STK3: variants seen among roughly 807,000 people sequenced by gnomAD.
STK3 encodes the protein serine/threonine kinase 3, also known as serine/threonine-protein kinase 3.
STK3 carries 41 observed loss-of-function variants against 58.0 expected under a neutral mutation model. That is an observed-to-expected ratio of 0.71 (90% CI 0.55 to 0.92). The LOEUF is 0.92. Ranked by LOEUF, STK3 falls within the 40% of genes least tolerant of loss-of-function variation. STK3 has a pLI of 0.00. For synonymous variants in STK3, 170 were observed against 191.0 expected (o/e 0.89, Z 0.91); for missense variants, 479 against 602.7 (o/e 0.79, Z 2.15).
intron 10 of STK3, among the ~76,000 whole-genome samples, chr8:98,457,058 T>C (rs986556805): frequency 7.2e-5 from 11 of 152,226 alleles, no homozygotes; most frequent in African/African-American, 2.7e-4. Flanking sequence ...CAGGCTTCCA[T>C]GATGATGACT....
chr8:98,454,429 G>A (rs919686518), downstream of STK3, among the ~76,000 whole-genome samples: 8 of 152,178 alleles, frequency 5.3e-5, no homozygotes, highest in African/African-American at 1.7e-4. Context: ...AGGTCCCTGG[G>A]TGTGGATGAT....
intron 7 of STK3, among the ~76,000 whole-genome samples, chr8:98,585,751 T>TTGTATCCTC (rs1485774253): frequency 2.0e-5 from 3 of 152,202 alleles, no homozygotes; most frequent in Non-Finnish European, 4.4e-5. Context: ...TTCCATTTGT[T>TTGTATCCTC]TGTATCCTCT....
chr8:98,787,672 G>T (rs1832556699), intron 1 of STK3, among the ~76,000 whole-genome samples: 1 of 152,154 alleles, frequency 6.6e-6, no homozygotes, highest in South Asian at 2.1e-4. Context: ...AGTCTTAAGA[G>T]CCATGAGGAA....
intron 10 of STK3, among the ~76,000 whole-genome samples, chr8:98,498,976 T>C (rs1823368475): frequency 6.6e-6 from 1 of 152,176 alleles, no homozygotes; most frequent in South Asian, 2.1e-4. Context: ...ATTAAGTCTC[T>C]TATGATCCTA....
intron 6 of STK3, among the ~76,000 whole-genome samples, chr8:98,622,965 T>C (rs973109932): frequency 1.3e-5 from 2 of 152,174 alleles, no homozygotes; most frequent in Non-Finnish European, 2.9e-5. Context: ...GATTGAGCAG[T>C]AGTATATTTA....
intron 4 of STK3, among the ~76,000 whole-genome samples, chr8:98,736,093 TAATA>T (rs1828567093): frequency 2.0e-5 from 3 of 152,218 alleles, no homozygotes; most frequent in Admixed American, 6.5e-5. Flanking sequence ...ATAGCCTACC[TAATA>T]GTCAAAATAA....
chr8:98,784,325 C>T (rs1432238382), intron 1 of STK3, among the ~76,000 whole-genome samples: 1 of 152,232 alleles, frequency 6.6e-6, no homozygotes, highest in African/African-American at 2.4e-5. Flanking sequence ...GCAGTAGGTG[C>T]TGGGATTGTG....
chr8:98,820,174 G>A (rs992305124), intron 1 of STK3, among the ~76,000 whole-genome samples: 1 of 151,972 alleles, frequency 6.6e-6, no homozygotes, highest in African/African-American at 2.4e-5. Context: ...TTCCATTTGC[G>A]TGAAGGACCC....
intron 10 of STK3, among the ~76,000 whole-genome samples, chr8:98,503,242 C>T (rs142164347): frequency 0.03 from 4,558 of 152,124 alleles, 104 homozygotes; most frequent in South Asian, 0.061. Flanking sequence ...TCTATGGGAT[C>T]GGTGGTGATA....
intron 3 of STK3, among the ~76,000 whole-genome samples, chr8:98,759,981 T>C (rs976501739): frequency 1.3e-5 from 2 of 152,158 alleles, no homozygotes; most frequent in Non-Finnish European, 2.9e-5. Context: ...CCTAATACAA[T>C]GTAAATGCTA....
intron 10 of STK3, among the ~76,000 whole-genome samples, chr8:98,490,601 T>C (rs1822611051): frequency 6.6e-6 from 1 of 152,172 alleles, no homozygotes; most frequent in Admixed American, 6.5e-5. Flanking sequence ...AAAACTGTGT[T>C]TTGCTAATTT....
intron 3 of STK3, among the ~76,000 whole-genome samples, chr8:98,402,121 T>C (rs1817949448): frequency 1.3e-5 from 2 of 152,216 alleles, no homozygotes; most frequent in Non-Finnish European, 2.9e-5. Context: ...AGCTTTACCA[T>C]TTATTTAGCA....
intron 1 of STK3, among the ~76,000 whole-genome samples, chr8:98,900,472 T>C (rs1838613561): frequency 2.6e-5 from 4 of 152,064 alleles, no homozygotes; most frequent in Admixed American, 2.6e-4. Flanking sequence ...TCGCCCCACA[T>C]CCAATCACAC....
chr8:98,584,089 T>A (rs1049827883), intron 7 of STK3, among the ~76,000 whole-genome samples: 48 of 151,990 alleles, frequency 3.2e-4, no homozygotes, highest in South Asian at 8.3e-4. Flanking sequence ...TTTTTTTTTT[T>A]AAAGTTTTTT....
chr8:98,817,163 T>C (rs564432592), intron 1 of STK3, among the ~76,000 whole-genome samples: 8 of 152,154 alleles, frequency 5.3e-5, no homozygotes, highest in South Asian at 2.1e-4. Context: ...AGGATAAAAA[T>C]AGAAATCAGG....
At chr8:98,474,887 G>A (rs750411199) in intron 10 of STK3, among the ~76,000 whole-genome samples, 28 of 152,124 alleles carry the variant, frequency 1.8e-4, no homozygotes, top group South Asian at 4.1e-4. Flanking sequence ...ATATAGGACT[G>A]GGCCTTCTTT....
At chr8:98,453,559 A>G (rs1819299568), downstream of STK3, among the ~76,000 whole-genome samples, 1 of 152,216 alleles carries the variant, frequency 6.6e-6, no homozygotes. Context: ...TCTCTTAAAT[A>G]TATGTGTGTA....
At chr8:98,382,969 A>C (rs1817752713) in intron 1 of STK3, among the ~76,000 whole-genome samples, 1 of 152,036 alleles carries the variant, frequency 6.6e-6, no homozygotes, top group Non-Finnish European at 1.5e-5. Context: ...TCCAGGCCCC[A>C]AGGTCCCCTC....
At chr8:98,642,182 T>G (rs931117017) in intron 6 of STK3, among the ~76,000 whole-genome samples, 1 of 152,000 alleles carries the variant, frequency 6.6e-6, no homozygotes, top group African/African-American at 2.4e-5. Context: ...GTGGATCTCA[T>G]GACATATGGA....
Sources: gnomAD v4.1 joint callset for allele counts (sites outside exome capture counted in the v4.1 genomes callset) on GRCh38, gnomAD v4.1.1 for gene constraint, MANE v1.5 for transcripts, NCBI Gene and HGNC (gene_info 2026-07-23, HGNC 2026-07-21) for gene names.